MYT1L: variants seen among roughly 807,000 people sequenced by gnomAD.
The protein encoded by MYT1L is myelin transcription factor 1-like protein.
Under a neutral mutation model 126.7 loss-of-function variants are expected in MYT1L, and 12 were observed. The observed-to-expected ratio is 0.09, with a 90% CI of 0.06 to 0.15. The LOEUF (loss-of-function observed/expected upper bound fraction) is 0.15. Ranked by LOEUF, MYT1L falls within the 10% of genes least tolerant of loss-of-function variation. MYT1L has a pLI of 1.00. For synonymous variants in MYT1L, 541 were observed against 604.2 expected, an observed-to-expected ratio of 0.90 and a Z score of 1.53; for missense variants, 979 against 1,585.2, an observed-to-expected ratio of 0.62 and a Z score of 6.49.
chr2:2,131,042 G>A (rs2082295800), intron 3 of MYT1L, among the ~76,000 whole-genome samples: 1 of 152,162 alleles, frequency 6.6e-6, no homozygotes, highest in Non-Finnish European at 1.5e-5. Context: ...CTGAAAGAGA[G>A]GGAAATCTGT....
At chr2:2,087,882 C>T (rs557151782) in intron 3 of MYT1L, among the ~76,000 whole-genome samples, 12 of 152,342 alleles carry the variant, frequency 7.9e-5, no homozygotes, top group Admixed American at 2.6e-4. Context: ...GGGAACCATT[C>T]GCTATAAACA....
At chr2:2,158,947 A>G (rs2087274364) in intron 3 of MYT1L, among the ~76,000 whole-genome samples, 1 of 152,170 alleles carries the variant, frequency 6.6e-6, no homozygotes, top group Non-Finnish European at 1.5e-5. Context: ...CCTATAGGGC[A>G]TTTTGTTGTG....
chr2:2,291,060 T>TA (rs202229180), intron 1 of MYT1L, among the ~76,000 whole-genome samples: 15,367 of 144,078 alleles, frequency 0.11, 886 homozygotes, highest in South Asian at 0.25. Flanking sequence ...AAAGGCTAGG[T>TA]AAAAAAAAAA....
At chr2:1,888,798 G>T (rs906610130) in intron 16 of MYT1L, among the ~76,000 whole-genome samples, 1 of 152,126 alleles carries the variant, frequency 6.6e-6, no homozygotes, top group Admixed American at 6.5e-5. Flanking sequence ...GAGTACTTAG[G>T]TTTCTTAGAG....
Position 2,228,567 on chromosome 2 carries a change from A to G in MYT1L, c.-420-55579T>C, listed in dbSNP as rs2094078283. Among the ~76,000 whole-genome samples the G allele has an allele frequency of 6.6e-6, 1 of 152,230 alleles. No individual in the cohort carries two copies. Among genetic ancestry groups the G allele is most frequent in the Admixed American group, 6.5e-5 (1 of 15,288 alleles). On this transcript the variant is annotated intron_variant, in intron 2 of 24. Coordinates refer to ENST00000647738, the MANE Select transcript of MYT1L (RefSeq NM_001303052.2). This position sits in a 1 kb window ranked among gnomAD's most constrained non-coding sequence, Gnocchi z 5.9. ...TTTTGATTTTATAGAAAAAGTATTT[A>G]TATAAATTCTTGAGTTGAAAGATTA...
intron 13 of MYT1L, among the ~76,000 whole-genome samples, chr2:1,908,670 T>C (rs894923067): frequency 6.6e-6 from 1 of 152,180 alleles, no homozygotes; most frequent in African/African-American, 2.4e-5. Flanking sequence ...GTCTGTTTTA[T>C]TGGGTGGGGG....
intron 2 of MYT1L, among the ~76,000 whole-genome samples, chr2:2,185,865 G>T (rs1443202503): frequency 0.089 from 8,481 of 95,088 alleles, 447 homozygotes; most frequent in African/African-American, 0.16. Context: ...CCTCCCAGAC[G>T]CCCGCGTTCC....
At chr2:1,894,547 A>G (rs997890233) in intron 14 of MYT1L, among the ~76,000 whole-genome samples, 1 of 152,012 alleles carries the variant, frequency 6.6e-6, no homozygotes, top group African/African-American at 2.4e-5. Flanking sequence ...AAATAATAAT[A>G]TGGGGTTTTG....
intron 3 of MYT1L, among the ~76,000 whole-genome samples, chr2:2,081,765 A>G (rs2075855558): frequency 6.6e-6 from 1 of 152,110 alleles, no homozygotes; most frequent in African/African-American, 2.4e-5. Context: ...TTAGAGATGG[A>G]GTCTCACTCT....
At chr2:2,326,128 A>T (rs919359257) in intron 1 of MYT1L, 1 of 152,286 alleles carries the variant, frequency 6.6e-6, no homozygotes, top group Non-Finnish European at 1.5e-5. Flanking sequence ...TGGAGAGACC[A>T]TCGCACGTGC....
intron 4 of MYT1L, among the ~76,000 whole-genome samples, chr2:2,001,540 A>G (rs1451995956): frequency 6.6e-6 from 1 of 152,196 alleles, no homozygotes; most frequent in African/African-American, 2.4e-5. Flanking sequence ...AGTGAGTGAG[A>G]GCGTCTCTGC....
chr2:1,961,184 G>C (rs1476440653), intron 8 of MYT1L, among the ~76,000 whole-genome samples: 1 of 152,186 alleles, frequency 6.6e-6, no homozygotes, highest in Non-Finnish European at 1.5e-5. Flanking sequence ...AAATAAAACA[G>C]CTGGATGAGT....
intron 3 of MYT1L, among the ~76,000 whole-genome samples, chr2:2,105,287 T>C (rs1002829848): frequency 6.6e-6 from 1 of 152,156 alleles, no homozygotes; most frequent in African/African-American, 2.4e-5. Flanking sequence ...GCTCGTGGGA[T>C]ACTACAGACC....
intron 2 of MYT1L, among the ~76,000 whole-genome samples, chr2:2,188,024 T>C (rs2092333951): frequency 6.6e-6 from 1 of 152,294 alleles, no homozygotes. Context: ...GTGCAAAATA[T>C]TTTTTAGAGA....
intron 1 of MYT1L, among the ~76,000 whole-genome samples, chr2:2,305,141 A>G (rs955729645): frequency 2.0e-5 from 3 of 152,178 alleles, no homozygotes; most frequent in Non-Finnish European, 2.9e-5. Flanking sequence ...GGTAAAATTG[A>G]TTATGAAGGA....
intron 11 of MYT1L, among the ~76,000 whole-genome samples, chr2:1,914,288 A>G (rs983184973): frequency 6.6e-6 from 1 of 151,526 alleles, no homozygotes; most frequent in South Asian, 2.1e-4. Context: ...AAACAAAAAA[A>G]CCCTGTGACC....
At chr2:2,150,198 G>A (rs569988771) in intron 3 of MYT1L, among the ~76,000 whole-genome samples, 5 of 152,228 alleles carry the variant, frequency 3.3e-5, no homozygotes, top group African/African-American at 1.2e-4. Context: ...GGCCTTTGAA[G>A]CCAAGTGAAT....
chr2:2,261,142 C>CGTGTGTGTGT (rs10604026), intron 2 of MYT1L, among the ~76,000 whole-genome samples: 9 of 149,206 alleles, frequency 6.0e-5, no homozygotes, highest in African/African-American at 2.2e-4. Context: ...TGTGTGAGTG[C>CGTGTGTGTGT]GTGTGTGTGT....
intron 2 of MYT1L, among the ~76,000 whole-genome samples, chr2:2,216,269 CA>C (rs556566737): frequency 1.1e-3 from 172 of 152,228 alleles, no homozygotes; most frequent in African/African-American, 3.7e-3. Context: ...GGGTGTAACA[CA>C]AGTCTCAATA....
Sources: gnomAD v4.1 joint callset for allele counts (sites outside exome capture counted in the v4.1 genomes callset) on GRCh38, gnomAD v4.1.1 for gene constraint, Gnocchi (gnomAD v3.1) non-coding constraint, MANE v1.5 for transcripts, NCBI Gene and HGNC (gene_info 2026-07-23, HGNC 2026-07-21) for gene names.